APBB1IP: variants seen among roughly 807,000 people sequenced by gnomAD.
APBB1IP encodes the protein amyloid beta A4 precursor protein-binding family B member 1-interacting protein.
APBB1IP carries 27 observed loss-of-function variants against 64.9 expected under a neutral mutation model. The observed-to-expected ratio is 0.42, with a 90% CI of 0.31 to 0.57. The LOEUF (loss-of-function observed/expected upper bound fraction) is 0.57. Among genes scored for constraint, APBB1IP ranks in the 20% least tolerant of loss-of-function variants. The pLI is 0.20. For missense variants in APBB1IP, 812 were observed against 845.5 expected (o/e 0.96, Z 0.49); for synonymous variants, 392 against 331.0 (o/e 1.18, Z -2.00).
At chr10:26,507,633 G>T (rs1415173141) in intron 6 of APBB1IP, among the ~76,000 whole-genome samples, 1 of 152,236 alleles carries the variant, frequency 6.6e-6, no homozygotes, top group Non-Finnish European at 1.5e-5. Context: ...GTTGGCAGCT[G>T]AGGATGAGCT....
chr10:26,444,112 T>A (rs1292789265), intron 2 of APBB1IP, among the ~76,000 whole-genome samples: 1 of 152,114 alleles, frequency 6.6e-6, no homozygotes, highest in Non-Finnish European at 1.5e-5. Context: ...GTTAACCAAG[T>A]GGCTATCTGG....
At chr10:26,553,986 G>A (rs1157315053) in intron 11 of APBB1IP, among the ~76,000 whole-genome samples, 3 of 152,086 alleles carry the variant, frequency 2.0e-5, no homozygotes, top group African/African-American at 4.8e-5. Context: ...CCGTGCTCTC[G>A]CTGAGATCAC....
chr10:26,516,751 C>T (rs985760519), intron 8 of APBB1IP, among the ~76,000 whole-genome samples: 1 of 151,982 alleles, frequency 6.6e-6, no homozygotes, highest in Non-Finnish European at 1.5e-5. Context: ...TTATTTGTAG[C>T]TGTCTGTTTA....
At chr10:26,534,111 G>C (rs1243416049) in intron 9 of APBB1IP, among the ~76,000 whole-genome samples, 1 of 151,860 alleles carries the variant, frequency 6.6e-6, no homozygotes, top group Non-Finnish European at 1.5e-5. Flanking sequence ...AAGTTCATTT[G>C]ACAATTGATT....
At chr10:26,530,281 T>C (rs1458495235) in intron 8 of APBB1IP, among the ~76,000 whole-genome samples, 1 of 149,712 alleles carries the variant, frequency 6.7e-6, no homozygotes, top group African/African-American at 2.5e-5. Flanking sequence ...CAGGCTGGAC[T>C]CAAACACCTG....
chr10:26,464,857 T>C (rs984889820), intron 2 of APBB1IP, among the ~76,000 whole-genome samples: 3 of 152,184 alleles, frequency 2.0e-5, no homozygotes, highest in Non-Finnish European at 4.4e-5. Flanking sequence ...ACCTAATAAG[T>C]TTTCTGATGA....
At chr10:26,486,003 G>A (rs577762273) in intron 2 of APBB1IP, among the ~76,000 whole-genome samples, 3 of 152,210 alleles carry the variant, frequency 2.0e-5, no homozygotes, top group Admixed American at 6.5e-5. Context: ...GTGGAGGTGC[G>A]AGGATCACTT....
intron 8 of APBB1IP, among the ~76,000 whole-genome samples, chr10:26,522,153 T>C (rs1836410239): frequency 6.6e-6 from 1 of 152,194 alleles, no homozygotes; most frequent in African/African-American, 2.4e-5. Context: ...TCCATGACAA[T>C]TTGATTCCCA....
chr10:26,538,512 G>A (rs1269326030), intron 10 of APBB1IP, among the ~76,000 whole-genome samples: 1 of 151,498 alleles, frequency 6.6e-6, no homozygotes. Context: ...GTGGTGGCGG[G>A]CGCCTGTAAT....
Position 26,447,374 on chromosome 10 carries a change from CAAAAAAAAAAAA to C in APBB1IP, c.-1+8532_-1+8543del, listed in dbSNP as rs55948326. Among the ~76,000 whole-genome samples, 5 of 55,022 alleles carry C rather than the reference CAAAAAAAAAAAA, an allele frequency of 9.1e-5. No individual in the cohort carries two copies. In the South Asian group the frequency reaches 3.1e-3, roughly 34 times the overall value. 36.1% of individuals were successfully genotyped at this position (55,022 alleles called of 152,430 possible). ...TGGGTGACAGAGTGAGACTCCGTCT[CAAAAAAAAAAAA>C]AAAAAAAAAAGAAATGCCTTTCTAT... On this transcript the variant is annotated intron_variant, in intron 2 of 14. Transcript: ENST00000376236.
chr10:26,494,512 C>G (rs906289205), intron 3 of APBB1IP, among the ~76,000 whole-genome samples: 1 of 152,196 alleles, frequency 6.6e-6, no homozygotes, highest in African/African-American at 2.4e-5. Context: ...TTTTGAAAGA[C>G]TTATTTATTT....
intron 2 of APBB1IP, among the ~76,000 whole-genome samples, chr10:26,466,632 C>A (rs77638300): frequency 0.024 from 3,611 of 152,164 alleles, 134 homozygotes; most frequent in African/African-American, 0.078. Flanking sequence ...AAGAACTCGG[C>A]CCCACAAAAA....
At chr10:26,491,118 A>AG (rs1835949847) in intron 2 of APBB1IP, among the ~76,000 whole-genome samples, 2 of 152,080 alleles carry the variant, frequency 1.3e-5, no homozygotes, top group South Asian at 4.1e-4. Context: ...GTCTCTACTA[A>AG]AAATACAAAA....
intron 6 of APBB1IP, among the ~76,000 whole-genome samples, chr10:26,508,251 G>C (rs1357496037): frequency 6.6e-6 from 1 of 152,090 alleles, no homozygotes; most frequent in Non-Finnish European, 1.5e-5. Flanking sequence ...ACATCATTTT[G>C]AATTACAAAT....
chr10:26,558,807 C>G (rs1244326588), intron 11 of APBB1IP, among the ~76,000 whole-genome samples: 3 of 152,114 alleles, frequency 2.0e-5, no homozygotes, highest in Admixed American at 2.0e-4. Flanking sequence ...CCAGAAACAA[C>G]AGAAGCAATG....
chr10:26,555,034 A>G (rs1418723258), intron 11 of APBB1IP, among the ~76,000 whole-genome samples: 1 of 152,160 alleles, frequency 6.6e-6, no homozygotes, highest in East Asian at 1.9e-4. Context: ...GGAGATAATT[A>G]AACCCATAAC....
chr10:26,492,275 T>C, intron 2 of APBB1IP, 52 bp from the exon 3 acceptor site: 1 of 1,533,598 alleles, frequency 6.5e-7, no homozygotes, highest in Non-Finnish European at 9.0e-7. Flanking sequence ...AAGAGTATCC[T>C]AGGATCAGGC....
chr10:26,455,195 A>G (rs569110260), intron 2 of APBB1IP, among the ~76,000 whole-genome samples: 2 of 152,330 alleles, frequency 1.3e-5, no homozygotes, highest in South Asian at 4.1e-4. Flanking sequence ...AAATATAAAT[A>G]TGGGCCATGG....
chr10:26,439,664 C>T (rs1835319127), intron 2 of APBB1IP, among the ~76,000 whole-genome samples: 1 of 152,132 alleles, frequency 6.6e-6, no homozygotes, highest in South Asian at 2.1e-4. Flanking sequence ...CCTAGACACT[C>T]AGGGCATAGC....
Sources: gnomAD v4.1 joint callset for allele counts (sites outside exome capture counted in the v4.1 genomes callset) on GRCh38, gnomAD v4.1.1 for gene constraint, MANE v1.5 for transcripts, NCBI Gene and HGNC (gene_info 2026-07-23, HGNC 2026-07-21) for gene names.